The following TBC1D32 variants were observed in gnomAD, a reference collection of about 807,000 sequenced individuals.
TBC1D32 encodes the protein protein broad-minded.
TBC1D32 carries 151 observed loss-of-function variants against 170.3 expected under a neutral mutation model. That is an observed-to-expected ratio of 0.89 (90% CI 0.78 to 1.01). The LOEUF (loss-of-function observed/expected upper bound fraction) is 1.01. Among genes scored for constraint, TBC1D32 ranks in the 50% least tolerant of loss-of-function variants. TBC1D32 has a pLI of 0.00. For synonymous variants in TBC1D32, 498 were observed against 488.0 expected (o/e 1.02, Z -0.27); for missense variants, 1,464 against 1,457.1 (o/e 1.00, Z -0.08).
chr6:121,083,639 G>A (rs558804747), intron 31 of TBC1D32, among the ~76,000 whole-genome samples: 1 of 152,062 alleles, frequency 6.6e-6, no homozygotes, highest in South Asian at 2.1e-4. Flanking sequence ...CTGAATCTAG[G>A]ACATTGATTA....
At chr6:121,096,369 T>G (rs1432677366) in intron 30 of TBC1D32, 1 of 152,004 alleles carries the variant, frequency 6.6e-6, no homozygotes, top group African/African-American at 2.4e-5. Context: ...AAAATCAACA[T>G]GCAAAAATCA....
At chr6:121,159,043 A>T (rs575800128) in intron 24 of TBC1D32, among the ~76,000 whole-genome samples, 1 of 152,276 alleles carries the variant, frequency 6.6e-6, no homozygotes, top group Admixed American at 6.5e-5. Flanking sequence ...TGCTTCTTCC[A>T]GCCCCTCTGC....
At chr6:121,297,572 T>A (rs191235216) in intron 10 of TBC1D32, among the ~76,000 whole-genome samples, 1 of 152,180 alleles carries the variant, frequency 6.6e-6, no homozygotes, top group Non-Finnish European at 1.5e-5. Context: ...TTTAACCAGT[T>A]CATGTCTTTC....
intron 1 of TBC1D32, among the ~76,000 whole-genome samples, chr6:121,328,444 C>G (rs942653894): frequency 6.6e-6 from 1 of 151,684 alleles, no homozygotes; most frequent in Non-Finnish European, 1.5e-5. Flanking sequence ...CGCCACCACA[C>G]CTGGCTAATT....
chr6:121,140,976 G>A (rs769611431), intron 24 of TBC1D32, among the ~76,000 whole-genome samples: 47 of 152,112 alleles, frequency 3.1e-4, no homozygotes, highest in Non-Finnish European at 5.1e-4. Flanking sequence ...TGACAGAGTC[G>A]AAGAGAGAGC....
chr6:121,254,369 T>C (rs1250377431), intron 17 of TBC1D32, among the ~76,000 whole-genome samples: 3 of 152,076 alleles, frequency 2.0e-5, no homozygotes, highest in African/African-American at 7.2e-5. Context: ...AAAGCACCTG[T>C]ACCCCAAAAA....
intron 15 of TBC1D32, among the ~76,000 whole-genome samples, chr6:121,270,902 G>C (rs1801312187): frequency 6.6e-6 from 1 of 152,064 alleles, no homozygotes; most frequent in South Asian, 2.1e-4. Context: ...ACATCAAAAA[G>C]CTTATCCACC....
chr6:121,192,177 CA>C (rs1244159455), intron 22 of TBC1D32, among the ~76,000 whole-genome samples: 1 of 151,326 alleles, frequency 6.6e-6, no homozygotes, highest in Non-Finnish European at 1.5e-5. Context: ...GATGTTCTTT[CA>C]TTGGTTTTGG....
chr6:121,190,217 C>T (rs902377385), intron 22 of TBC1D32, among the ~76,000 whole-genome samples: 6 of 150,860 alleles, frequency 4.0e-5, no homozygotes, highest in African/African-American at 1.5e-4. Context: ...CCTGACCTCC[C>T]TCCTTTCCTC....
intron 15 of TBC1D32, among the ~76,000 whole-genome samples, chr6:121,256,643 C>T (rs1274177708): frequency 6.6e-6 from 1 of 151,910 alleles, no homozygotes; most frequent in Non-Finnish European, 1.5e-5. Flanking sequence ...ATTAACAGGA[C>T]TTAGTTCCCC....
At chr6:121,233,819 T>C (rs1796030701) in intron 20 of TBC1D32, among the ~76,000 whole-genome samples, 3 of 152,204 alleles carry the variant, frequency 2.0e-5, no homozygotes, top group South Asian at 2.1e-4. Flanking sequence ...GTGAGATTTA[T>C]TCTTTAAGGA....
intron 5 of TBC1D32, among the ~76,000 whole-genome samples, chr6:121,306,375 C>T (rs921533728): frequency 1.3e-5 from 2 of 152,102 alleles, no homozygotes; most frequent in Non-Finnish European, 2.9e-5. Context: ...ATTTATTTAT[C>T]GTCTGTGTTA....
intron 19 of TBC1D32, 102 bp downstream of exon 19, chr6:121,241,363 G>A (rs1796965319): frequency 1.0e-6 from 1 of 953,678 alleles, no homozygotes; most frequent in South Asian, 1.6e-5. Flanking sequence ...AAGAATTTTA[G>A]AGTAAATATC....
At chr6:121,230,919 A>C (rs953918111) in intron 20 of TBC1D32, among the ~76,000 whole-genome samples, 1 of 151,996 alleles carries the variant, frequency 6.6e-6, no homozygotes, top group African/African-American at 2.4e-5. Context: ...CCCAGTGTGT[A>C]GTCTCTTATC....
chr6:121,187,457 G>C (rs1789343800), intron 22 of TBC1D32, among the ~76,000 whole-genome samples: 1 of 152,006 alleles, frequency 6.6e-6, no homozygotes. Context: ...AGTAGCTTCT[G>C]AGTTTTCCCT....
At chr6:121,200,073 G>A (rs1791336017) in intron 22 of TBC1D32, among the ~76,000 whole-genome samples, 1 of 151,290 alleles carries the variant, frequency 6.6e-6, no homozygotes, top group East Asian at 1.9e-4. Flanking sequence ...TAATTTTAAA[G>A]GCTGTTCTGT....
intron 9 of TBC1D32, among the ~76,000 whole-genome samples, chr6:121,302,488 T>C (rs1158410402): frequency 6.6e-6 from 1 of 151,988 alleles, no homozygotes. Flanking sequence ...GCAATAAGAA[T>C]GTCAAATGAA....
intron 22 of TBC1D32, among the ~76,000 whole-genome samples, chr6:121,161,283 G>A (rs141481907): frequency 2.0e-5 from 3 of 152,086 alleles, no homozygotes; most frequent in Non-Finnish European, 4.4e-5. Flanking sequence ...TTGCTGCACA[G>A]ATCATCCCAT....
chr6:121,216,886 G>A (rs1793894592), intron 21 of TBC1D32, among the ~76,000 whole-genome samples: 1 of 152,182 alleles, frequency 6.6e-6, no homozygotes, highest in Non-Finnish European at 1.5e-5. Flanking sequence ...TAGGCTCTCT[G>A]ACTGCTAAGG....
Sources: gnomAD v4.1 joint callset for allele counts (sites outside exome capture counted in the v4.1 genomes callset) on GRCh38, gnomAD v4.1.1 for gene constraint, MANE v1.5 for transcripts, NCBI Gene and HGNC (gene_info 2026-07-23, HGNC 2026-07-21) for gene names.